The following DTL variants were observed in gnomAD, a reference collection of about 807,000 sequenced individuals.
The protein encoded by DTL is denticleless E3 ubiquitin protein ligase adapter, also known as denticleless protein homolog.
DTL carries 46 observed loss-of-function variants against 87.0 expected under a neutral mutation model. The observed-to-expected ratio is 0.53, with a 90% CI of 0.42 to 0.68. DTL has a LOEUF of 0.68. Ranked by LOEUF, DTL falls within the 30% of genes least tolerant of loss-of-function variation. DTL has a pLI of 0.00. For missense variants in DTL, 737 were observed against 869.4 expected, an observed-to-expected ratio of 0.85 and a Z score of 1.91; for synonymous variants, 308 against 311.2, an observed-to-expected ratio of 0.99 and a Z score of 0.11.
chr1:212,094,766 T>A (rs562377415), intron 13 of DTL, among the ~76,000 whole-genome samples: 1 of 152,234 alleles, frequency 6.6e-6, no homozygotes, highest in Non-Finnish European at 1.5e-5. Flanking sequence ...GTTTGTGTCA[T>A]CTGATTTCTT....
At chr1:212,064,110 TG>T (rs1654418744) in intron 6 of DTL, among the ~76,000 whole-genome samples, 1 of 152,150 alleles carries the variant, frequency 6.6e-6, no homozygotes, top group Non-Finnish European at 1.5e-5. Context: ...CAGGCTGATC[TG>T]GAACTCCTGA....
intron 13 of DTL, among the ~76,000 whole-genome samples, chr1:212,097,261 G>A (rs1655477906): frequency 6.6e-6 from 1 of 152,038 alleles, no homozygotes; most frequent in Non-Finnish European, 1.5e-5. Context: ...TGATGCTTTT[G>A]CCTCCCAGCT....
chr1:212,064,686 GA>G (rs1654439798), intron 6 of DTL, among the ~76,000 whole-genome samples: 1 of 152,152 alleles, frequency 6.6e-6, no homozygotes, highest in Non-Finnish European at 1.5e-5. Flanking sequence ...TTCACCTACT[GA>G]AGGACATCTT....
Position 212,049,053 on chromosome 1 carries a change from A to T in DTL, c.460+1636A>T, listed in dbSNP as rs1277481263. Among the ~76,000 whole-genome samples, 3 of 152,056 alleles carry T rather than the reference A, an allele frequency of 2.0e-5. No homozygotes were observed. The East Asian group carries it at 5.8e-4, about 29-fold the overall frequency. ...TTCTCATGCCTCAACTTCCCAAGTA[A>T]CTGGGATTACAGGCGTGTACCACCA... On this transcript the variant is annotated intron_variant, in intron 5 of 14. Coordinates refer to ENST00000366991, the MANE Select transcript of DTL (RefSeq NM_016448.4).
Position 212,072,160 on chromosome 1 carries a change from G to C in DTL, c.982G>C (p.Asp328His). 1 of 1,614,078 alleles carries C rather than the reference G, an allele frequency of 6.2e-7. No homozygotes were observed. Among genetic ancestry groups the C allele is most frequent in the East Asian group, 2.2e-5 (1 of 44,860 alleles). ...TFYVKSSLSPDDQFLVSGSSD... is the reference protein window; with the variant it reads ...TFYVKSSLSPHDQFLVSGSSD... ...TTATGTAAAATCCAGCCTTAGTCCA[G>C]ATGACCAGTTTTTAGTCAGTGGCTC... The change falls in exon 11 of 15, where the codon GAT (aspartate) becomes CAT (histidine). Residue 328 changes from aspartate (D) to histidine (H), a missense_variant. Asp to His is a moderately conservative substitution (Grantham distance 81). Coordinates refer to ENST00000366991, the MANE Select transcript of DTL (RefSeq NM_016448.4).
Position 212,100,291 on chromosome 1 carries a change from C to T in DTL, c.1301C>T (p.Pro434Leu), listed in dbSNP as rs1199705783. ...AGCCAGAGTACTCCTGCCAAAGCCC[C>T]CAGGGCAAAGTGCAATCCATCCAAT... ...TSSQSTPAKA[P>L]RAKCNPSNSS... Residue 434 changes from proline (P) to leucine (L), a missense_variant, in exon 14 of 15, where the codon CCC becomes CTC. Transcript: ENST00000366991. 4.4e-6 allele frequency: 7 copies of T among 1,597,756 alleles called. No homozygotes were observed. Among genetic ancestry groups the T allele is most frequent in the Non-Finnish European group, 6.0e-6 (7 of 1,173,568 alleles).
Position 212,085,286 on chromosome 1 carries a change from T to A in DTL, c.1261+4536T>A, listed in dbSNP as rs563444413. 2.0e-5 allele frequency among the ~76,000 whole-genome samples: 3 copies of A among 152,344 alleles called. No individual in the cohort carries two copies. In the South Asian group the frequency reaches 6.2e-4, roughly 32 times the overall value. On this transcript the variant is annotated intron_variant, in intron 13 of 14. Transcript: ENST00000366991. ...CACCTAAAATGAGGGTTCCAATTTC[T>A]CTTATGTTCTTGTCAACATTTGTTA...
chr1:212,059,224 C>CA (rs1221226642), intron 5 of DTL, among the ~76,000 whole-genome samples: 1 of 151,230 alleles, frequency 6.6e-6, no homozygotes, highest in Non-Finnish European at 1.5e-5. Context: ...AGGACACACA[C>CA]AAAAAAACTA....
intron 5 of DTL, among the ~76,000 whole-genome samples, chr1:212,060,621 G>C (rs1313944600): frequency 1.3e-5 from 2 of 151,900 alleles, no homozygotes. Flanking sequence ...TGTAGTCCCA[G>C]CTGCTTGGAA....
intron 5 of DTL, among the ~76,000 whole-genome samples, chr1:212,052,625 CAG>C (rs1668023615): frequency 7.4e-6 from 1 of 135,748 alleles, no homozygotes; most frequent in South Asian, 2.3e-4. Flanking sequence ...GCCTGGGCAA[CAG>C]AGCGAGACTC....
intron 12 of DTL, 168 bp from the exon 13 acceptor site, chr1:212,080,447 C>T (rs1654957949): frequency 3.3e-6 from 2 of 600,876 alleles, no homozygotes; most frequent in Admixed American, 2.8e-5. Flanking sequence ...GGAATGATTC[C>T]TGAAAGCAAG....
rs1346378437 is a variant in DTL, at chr1:212,043,103, T to A, written c.163T>A (p.Cys55Ser). 1.2e-6 allele frequency: 2 copies of A among 1,612,770 alleles called. No homozygotes were observed. The highest frequency in any genetic ancestry group is 1.7e-6 in the Non-Finnish European group (2 of 1,179,476). The change falls in exon 2 of 15, where the codon TGT becomes AGT. Residue 55 changes from cysteine to serine, a missense_variant. Coordinates refer to ENST00000366991, the MANE Select transcript of DTL (RefSeq NM_016448.4). ...AGGAGTCCCAGTTCCTCCTTTTGGA[T>A]GTACCTTCTCTTCTGGTAAGAGAAT... ...ETGVPVPPFG[C>S]TFSSAPNMEH...
At chr1:212,072,075 G>A in intron 10 of DTL, 26 bp from the exon 11 acceptor site, 1 of 1,538,726 alleles carries the variant, frequency 6.5e-7, no homozygotes, top group African/African-American at 1.4e-5. Flanking sequence ...CAAGAGCCAA[G>A]TAATTTGGTT....
intron 5 of DTL, among the ~76,000 whole-genome samples, chr1:212,061,319 G>A (rs1654296072): frequency 6.6e-6 from 1 of 151,876 alleles, no homozygotes. Flanking sequence ...ATGGCCAACA[G>A]GTATGTGAAA....
chr1:212,081,457 A>G (rs1293350656), intron 13 of DTL, among the ~76,000 whole-genome samples: 3 of 152,268 alleles, frequency 2.0e-5, no homozygotes, highest in African/African-American at 7.2e-5. Flanking sequence ...TTATTTTGAT[A>G]GACAAAAGTC....
At chr1:212,050,083 A>G (rs1213913133) in intron 5 of DTL, among the ~76,000 whole-genome samples, 1 of 151,996 alleles carries the variant, frequency 6.6e-6, no homozygotes. Context: ...AGGTGGGAGG[A>G]TCGCTTGAGC....
At chr1:212,093,473 C>T (rs1655347845) in intron 13 of DTL, among the ~76,000 whole-genome samples, 1 of 152,200 alleles carries the variant, frequency 6.6e-6, no homozygotes, top group African/African-American at 2.4e-5. Context: ...TGCAAGGTTC[C>T]ACTGAGCAGA....
chr1:212,065,537 T>C (rs1374169958), intron 7 of DTL, among the ~76,000 whole-genome samples: 2 of 151,946 alleles, frequency 1.3e-5, no homozygotes, highest in East Asian at 3.9e-4. Context: ...CCTAAAAATC[T>C]CTCTACACAC....
intron 5 of DTL, among the ~76,000 whole-genome samples, chr1:212,052,672 C>T (rs889746582): frequency 3.1e-4 from 45 of 146,298 alleles, no homozygotes; most frequent in Middle Eastern, 7.0e-3. Context: ...AATATTTTTT[C>T]TGCCTAATTT....
Sources: allele counts gnomAD v4.1 joint callset (sites outside exome capture counted in the v4.1 genomes callset), GRCh38; gene constraint gnomAD v4.1.1; transcripts MANE v1.5; gene names NCBI Gene and HGNC (gene_info 2026-07-23, HGNC 2026-07-21).